ITGAX: variants seen among roughly 807,000 people sequenced by gnomAD.
ITGAX encodes integrin alpha-X.
Under a neutral mutation model 140.2 loss-of-function variants are expected in ITGAX, and 99 were observed. That is an observed-to-expected ratio of 0.71 (90% CI 0.60 to 0.83). The LOEUF is 0.83. Among genes scored for constraint, ITGAX ranks in the 40% least tolerant of loss-of-function variants. The probability of loss-of-function intolerance (pLI) is 0.00; values close to 1 mark genes in which losing one functional copy is unlikely to be tolerated. For missense variants in ITGAX, 1,444 were observed against 1,482.0 expected (o/e 0.97, Z 0.42); for synonymous variants, 631 against 600.4 (o/e 1.05, Z -0.75).
At chr16:31,373,095 A>T (rs1313775428) in intron 19 of ITGAX, among the ~76,000 whole-genome samples, 154 bp from the exon 20 acceptor site, 1 of 105,460 alleles carries the variant, frequency 9.5e-6, no homozygotes, top group East Asian at 6.0e-4. Context: ...TCTGTCTCTT[A>T]AAAAAAAAGA....
chr16:31,371,786 T>A lies in ITGAX; in HGVS notation c.2160+2T>A. On this transcript the variant is annotated splice_donor_variant, in intron 17 of 29. Transcript: ENST00000268296. LOFTEE classifies it high-confidence loss of function. ...GAAAACTTCAACCTGCTGCTCCCGG[T>A]GCGTCTGGGCATGAACGTGGGTGGC... 1 of 1,613,710 alleles carries A rather than the reference T, an allele frequency of 6.2e-7. No individual in the cohort carries two copies.
Position 31,380,280 on chromosome 16 carries a change from T to G in ITGAX, c.3075T>G (p.Ala1025=), listed in dbSNP as rs1265554698. Reference sequence around the variant, plus strand: ...TCTGCCCCCAGGACTGCTCCATTGCTGGCTGCCTGCGGTTCCGCTGTGACG... The same window carrying G: ...TCTGCCCCCAGGACTGCTCCATTGCGGGCTGCCTGCGGTTCCGCTGTGACG... ...QKNPVLDCSI[A]GCLRFRCDVP... is the part of the protein sequence containing the mutation. The change falls in exon 27 of 30, where the codon GCT becomes GCG. Residue 1025 remains alanine, a synonymous_variant. Transcript: ENST00000268296. 1 of 1,614,182 alleles carries G rather than the reference T, an allele frequency of 6.2e-7. No individual in the cohort carries two copies. Among genetic ancestry groups the G allele is most frequent in the East Asian group, 2.2e-5 (1 of 44,882 alleles).
intron 14 of ITGAX, among the ~76,000 whole-genome samples, chr16:31,368,618 ATTTTTTTT>A (rs2080917723): frequency 6.9e-6 from 1 of 143,904 alleles, no homozygotes; most frequent in South Asian, 2.2e-4. Flanking sequence ...TTTATTTTTT[ATTTTTTTT>A]ATTGATCATT....
intron 19 of ITGAX, 112 bp from the exon 20 acceptor site, chr16:31,373,137 A>G (rs2080987973): frequency 4.1e-6 from 3 of 731,310 alleles, no homozygotes; most frequent in Non-Finnish European, 6.3e-6. Flanking sequence ...AGAAGAACCC[A>G]GGGGTCCGTC....
intron 14 of ITGAX, among the ~76,000 whole-genome samples, chr16:31,363,746 C>T (rs1308235162): frequency 6.6e-6 from 1 of 152,182 alleles, no homozygotes; most frequent in African/African-American, 2.4e-5. Flanking sequence ...TGCCCAGGCC[C>T]CTGCCAGTTT....
In ITGAX at chr16:31,361,926, A is replaced by G. The variant is rs1474510930; in HGVS notation, c.1086+17A>G. On this transcript the variant is annotated intron_variant, in intron 10 of 29. Coordinates refer to ENST00000268296, the MANE Select transcript of ITGAX (RefSeq NM_000887.5). Reference sequence around the variant, plus strand: ...TTCACACCTGTGAGTGGGGCCCCTTAGGCCGATGATGTGCCGTGAGGGGAG... The same window carrying G: ...TTCACACCTGTGAGTGGGGCCCCTTGGGCCGATGATGTGCCGTGAGGGGAG... 2 of 1,613,832 alleles carry G rather than the reference A, an allele frequency of 1.2e-6. No homozygotes were observed. Among genetic ancestry groups the G allele is most frequent in the East Asian group, 4.5e-5 (2 of 44,842 alleles).
At chr16:31,377,100 G>T in intron 22 of ITGAX, 21 bp downstream of exon 22, 1 of 1,613,854 alleles carries the variant, frequency 6.2e-7, no homozygotes, top group African/African-American at 1.3e-5. Flanking sequence ...CCAGGCCAGG[G>T]GCAGTGCCCC....
chr16:31,374,771 C>G (rs1225112586), intron 20 of ITGAX, among the ~76,000 whole-genome samples: 1 of 152,150 alleles, frequency 6.6e-6, no homozygotes, highest in African/African-American at 2.4e-5. Flanking sequence ...AAATCTCAGA[C>G]ATGGGGGTCA....
At position 31,373,241 on chromosome 16, in the gene ITGAX, A is replaced by T; in HGVS notation, c.2367-8A>T. 1 of 1,592,630 alleles carries T rather than the reference A, an allele frequency of 6.3e-7. No homozygotes were observed. Among genetic ancestry groups the T allele is most frequent in the Admixed American group, 1.7e-5 (1 of 59,094 alleles). ...ATCATCTTCTCCTTTCCTTCACCTG[A>T]TACCCAGCTTGAAGTCCCTGCTGGT... On this transcript the variant is annotated splice_region_variant and splice_polypyrimidine_tract_variant and intron_variant, in intron 19 of 29. Transcript: ENST00000268296.
At chr16:31,370,414 C>T (rs944284621) in intron 14 of ITGAX, among the ~76,000 whole-genome samples, 1 of 152,040 alleles carries the variant, frequency 6.6e-6, no homozygotes, top group African/African-American at 2.4e-5. Flanking sequence ...GTGGGTGCGA[C>T]CACTCCCTAC....
At chr16:31,367,086 T>A (rs1013785772) in intron 14 of ITGAX, among the ~76,000 whole-genome samples, 6 of 152,042 alleles carry the variant, frequency 3.9e-5, no homozygotes, top group Non-Finnish European at 8.8e-5. Context: ...CAAAGCCAAA[T>A]CCAGAGCAAG....
Position 31,371,651 on chromosome 16 carries a change from C to T in ITGAX, c.2027C>T (p.Thr676Ile), listed in dbSNP as rs564201213. 6.2e-7 allele frequency: 1 copy of T among 1,614,144 alleles called. No homozygotes were observed. The highest frequency in any genetic ancestry group is 8.5e-7 in the Non-Finnish European group (1 of 1,180,024). The part of the protein sequence containing the change: ...LGSRDLQSSV[T>I]LDLALDPGRL... Reference sequence around the variant, plus strand: ...ACAGGTGACCTCCAAAGCTCTGTGACCTTGGACCTGGCCCTCGACCCTGGC... The same window carrying T: ...ACAGGTGACCTCCAAAGCTCTGTGATCTTGGACCTGGCCCTCGACCCTGGC... The change falls in exon 17 of 30, where the codon ACC (threonine) becomes ATC (isoleucine). Residue 676 changes from threonine (T) to isoleucine (I), a missense_variant. Thr to Ile is a moderately conservative substitution (Grantham distance 89). Transcript: ENST00000268296.
Position 31,372,503 on chromosome 16 carries a change from G to C in ITGAX, c.2286G>C (p.Thr762=). Residue 762 remains threonine (T), a synonymous_variant, in exon 18 of 30, where the codon ACG becomes ACC. Coordinates refer to ENST00000268296, the MANE Select transcript of ITGAX (RefSeq NM_000887.5). ...MLAADAQRYF[T]ASLPFEKNCG... is the part of the protein sequence containing the mutation. The stretch of plus-strand genomic sequence containing the variant: ...CCGCCGATGCTCAGAGATACTTCAC[G>C]GCCTCCGTGAGTCCTGGCACTGGGT... The C allele has an allele frequency of 6.2e-7, 1 of 1,609,216 alleles. No homozygotes were observed. The highest frequency in any genetic ancestry group is 1.3e-5 in the African/African-American group (1 of 74,552).
At position 31,362,735 on chromosome 16, in the gene ITGAX, C is replaced by A. The variant is rs758828369; in HGVS notation, c.1341C>A (p.Ala447=). Residue 447 remains alanine (A), a synonymous_variant, in exon 12 of 30, where the codon GCC becomes GCA. Transcript: ENST00000268296. ...TQVSRQWRMK[A]EVTGTQIGSY... ...TGTCCAGGCAATGGAGGATGAAGGC[C>A]GAAGTCACGGGGACTCAGGTTGGGC... is the stretch of plus-strand genomic sequence containing the variant. 10 of 1,613,566 alleles carry A rather than the reference C, an allele frequency of 6.2e-6. No individual in the cohort carries two copies. The highest frequency in any genetic ancestry group is 8.5e-6 in the Non-Finnish European group (10 of 1,179,856).
chr16:31,382,763 G>A lies in ITGAX; in HGVS notation c.*856G>A. On this transcript the variant is annotated 3_prime_UTR_variant, in exon 30 of 30. Coordinates refer to ENST00000268296, the MANE Select transcript of ITGAX (RefSeq NM_000887.5). ...GGAAGGGAGGAGCGCCCTCTAGGGA[G>A]GGACATGGCCCCGGTGCGGCTGCAG... The A allele has an allele frequency of 2.0e-6, 1 of 497,746 alleles. No individual in the cohort carries two copies. The highest frequency in any genetic ancestry group is 3.6e-5 in the Admixed American group (1 of 27,440). The allele number at this position is 497,746 out of a possible 1,614,324, so 30.8% of individuals were successfully genotyped here.
At chr16:31,360,581 G>A in intron 8 of ITGAX, 118 bp downstream of exon 8, 1 of 979,394 alleles carries the variant, frequency 1.0e-6, no homozygotes. Flanking sequence ...AGGAAGTGGT[G>A]CAATCCTAGC....
Position 31,382,642 on chromosome 16 carries a change from C to T in ITGAX, c.*735C>T. 1 of 634,810 alleles carries T rather than the reference C, an allele frequency of 1.6e-6. No individual in the cohort carries two copies. The allele number at this position is 634,810 out of a possible 1,614,324, so 39.3% of individuals were successfully genotyped here. ...ATCAGCTCAGGGCTTCATCGTGGGG[C>T]TCTCAGTTCCGATTTCCCAGGCTGA... On this transcript the variant is annotated 3_prime_UTR_variant, in exon 30 of 30. Coordinates refer to ENST00000268296, the MANE Select transcript of ITGAX (RefSeq NM_000887.5).
chr16:31,359,034 G>A (rs1225305785), intron 5 of ITGAX, among the ~76,000 whole-genome samples: 1 of 151,936 alleles, frequency 6.6e-6, no homozygotes, highest in Non-Finnish European at 1.5e-5. Flanking sequence ...TGTCCAGGCT[G>A]ATCTTGAAAT....
At chr16:31,371,600 T>C (rs758577458) in intron 16 of ITGAX, 30 bp from the exon 17 acceptor site, 15 of 1,613,290 alleles carry the variant, frequency 9.3e-6, no homozygotes, top group Non-Finnish European at 1.3e-5. Flanking sequence ...GGAGTTCCTG[T>C]CTCAACGCCG....
Sources: gnomAD v4.1 joint callset for allele counts (sites outside exome capture counted in the v4.1 genomes callset) on GRCh38, gnomAD v4.1.1 for gene constraint, MANE v1.5 for transcripts, NCBI Gene and HGNC (gene_info 2026-07-23, HGNC 2026-07-21) for gene names.